Variants in TESK2 observed in about 807,000 individuals in gnomAD.
The protein encoded by TESK2 is dual specificity testis-specific protein kinase 2.
TESK2 carries 39 observed loss-of-function variants against 57.1 expected under a neutral mutation model. The ratio of observed to expected loss-of-function variants is 0.68; its 90% CI spans 0.53 to 0.89. The LOEUF is 0.89. TESK2 is among the 40% of genes least tolerant of loss of function. The pLI is 0.00. For synonymous variants in TESK2, 249 were observed against 267.9 expected, an observed-to-expected ratio of 0.93 and a Z score of 0.69; for missense variants, 646 against 732.1, an observed-to-expected ratio of 0.88 and a Z score of 1.36.
At chr1:45,346,551 G>A (rs145180792) in intron 9 of TESK2, 142 bp downstream of exon 9, 14 of 672,390 alleles carry the variant, frequency 2.1e-5, no homozygotes, top group African/African-American at 1.8e-4. Context: ...GCCAGAGGGA[G>A]GAGGAGGAGG....
At chr1:45,466,478 A>T (rs964262993) in intron 1 of TESK2, among the ~76,000 whole-genome samples, 1 of 151,314 alleles carries the variant, frequency 6.6e-6, no homozygotes, top group Non-Finnish European at 1.5e-5. Context: ...CGTCTCAAAA[A>T]AAACAAAAAC....
chr1:45,347,770 C>T (rs1050685988), intron 6 of TESK2, 77 bp from the exon 7 acceptor site: 2 of 1,519,478 alleles, frequency 1.3e-6, no homozygotes, highest in Admixed American at 1.7e-5. Context: ...TCCTCCACCT[C>T]AAGGATGGGT....
intron 5 of TESK2, among the ~76,000 whole-genome samples, chr1:45,352,894 TTTTTTTTTTTC>T (rs942009804): frequency 1.4e-4 from 20 of 146,978 alleles, no homozygotes; most frequent in African/African-American, 3.5e-4. Context: ...TGCAATTTTC[TTTTTTTTTTTC>T]TTTTTTTTTT....
chr1:45,435,033 A>T (rs1210788169), intron 2 of TESK2, among the ~76,000 whole-genome samples: 1 of 149,828 alleles, frequency 6.7e-6, no homozygotes, highest in Non-Finnish European at 1.5e-5. Context: ...GCTTGATCAT[A>T]ATTCACTGCA....
intron 4 of TESK2, among the ~76,000 whole-genome samples, chr1:45,364,323 T>C (rs999058873): frequency 1.3e-5 from 2 of 151,558 alleles, no homozygotes; most frequent in Admixed American, 1.3e-4. Flanking sequence ...ATAAAAAGAG[T>C]GGCAAGAGAT....
At chr1:45,346,100 G>A (rs1457060398) in intron 9 of TESK2, 106 bp from the exon 10 acceptor site, 1 of 881,936 alleles carries the variant, frequency 1.1e-6, no homozygotes, top group Admixed American at 1.9e-5. Context: ...GTGCAGCTGA[G>A]AGACCTTTTC....
At chr1:45,449,217 G>C (rs1412068200) in intron 2 of TESK2, among the ~76,000 whole-genome samples, 2 of 138,006 alleles carry the variant, frequency 1.4e-5, no homozygotes, top group East Asian at 4.2e-4. Context: ...GCGAGACTCT[G>C]TCTCAAAAAA....
intron 1 of TESK2, among the ~76,000 whole-genome samples, chr1:45,485,915 C>T (rs553203347): frequency 7.9e-5 from 12 of 151,748 alleles, no homozygotes; most frequent in African/African-American, 2.4e-4. Context: ...AAAACTAAAG[C>T]TCACAAAAGA....
rs190038187 is a variant in TESK2, at chr1:45,483,415, G to A, written c.-87+7437C>T. ...GTTCAAGACCAGCCTGGCCAACATGGTGAAACCCTGTCTCTACTAAAAATA... is the reference window on the plus strand; with the variant it reads ...GTTCAAGACCAGCCTGGCCAACATGATGAAACCCTGTCTCTACTAAAAATA... On this transcript the variant is annotated intron_variant, in intron 1 of 10. Coordinates refer to ENST00000372086, the MANE Select transcript of TESK2 (RefSeq NM_007170.3). Among the ~76,000 whole-genome samples, 84 of 152,146 alleles carry A rather than the reference G, an allele frequency of 5.5e-4. No individual in the cohort carries two copies. The East Asian group carries it at 0.013, about 24-fold the overall frequency.
At chr1:45,367,068 A>C (rs1647950836) in intron 4 of TESK2, among the ~76,000 whole-genome samples, 1 of 152,170 alleles carries the variant, frequency 6.6e-6, no homozygotes, top group South Asian at 2.1e-4. Context: ...GAGGAGGCAG[A>C]GGCTGCAGTG....
chr1:45,444,877 AC>A (rs915662170), intron 2 of TESK2, among the ~76,000 whole-genome samples: 6 of 152,188 alleles, frequency 3.9e-5, no homozygotes, highest in African/African-American at 1.2e-4. Flanking sequence ...CAGGAAACTA[AC>A]CCCCTGCTTG....
At chr1:45,396,802 G>A (rs1204562551) in intron 3 of TESK2, among the ~76,000 whole-genome samples, 4 of 116,868 alleles carry the variant, frequency 3.4e-5, no homozygotes, top group South Asian at 2.8e-4. Context: ...TATCAGCTAA[G>A]TTGTTTTTTT....
intron 1 of TESK2, among the ~76,000 whole-genome samples, chr1:45,477,021 T>A (rs1653024378): frequency 7.1e-6 from 1 of 141,264 alleles, no homozygotes; most frequent in South Asian, 2.2e-4. Flanking sequence ...AGATTGGTCT[T>A]GAATTCCTGG....
intron 2 of TESK2, among the ~76,000 whole-genome samples, chr1:45,434,457 AT>A (rs33951621): frequency 0.38 from 55,179 of 143,836 alleles, 12,573 homozygotes; most frequent in East Asian, 0.52. Context: ...ACATCCAGCT[AT>A]TTTTTTTTTT....
intron 2 of TESK2, among the ~76,000 whole-genome samples, chr1:45,455,746 A>C (rs1652063411): frequency 6.6e-6 from 1 of 152,164 alleles, no homozygotes; most frequent in South Asian, 2.1e-4. Context: ...AAGATGGTAA[A>C]TTTATGTTAT....
intron 1 of TESK2, among the ~76,000 whole-genome samples, chr1:45,464,393 C>T (rs1652453868): frequency 1.3e-5 from 2 of 149,486 alleles, no homozygotes; most frequent in Admixed American, 6.7e-5. Context: ...CACTGCACTC[C>T]AGCCTTGGCG....
chr1:45,370,958 G>T (rs1471453257), intron 4 of TESK2, among the ~76,000 whole-genome samples: 12 of 152,010 alleles, frequency 7.9e-5, no homozygotes, highest in African/African-American at 2.7e-4. Context: ...CCAATGTAAT[G>T]GAATAGAGAG....
intron 2 of TESK2, among the ~76,000 whole-genome samples, chr1:45,457,147 A>G (rs1652140348): frequency 6.6e-6 from 1 of 152,160 alleles, no homozygotes; most frequent in Non-Finnish European, 1.5e-5. Flanking sequence ...ATAAGCAAAC[A>G]AAAACTATAT....
At chr1:45,481,127 A>C (rs1050105452) in intron 1 of TESK2, among the ~76,000 whole-genome samples, 1 of 152,126 alleles carries the variant, frequency 6.6e-6, no homozygotes, top group Non-Finnish European at 1.5e-5. Context: ...GCACTTTGGG[A>C]GGCCGAGGTG....
Sources: allele counts gnomAD v4.1 joint callset (sites outside exome capture counted in the v4.1 genomes callset), GRCh38; gene constraint gnomAD v4.1.1; transcripts MANE v1.5; gene names NCBI Gene and HGNC (gene_info 2026-07-23, HGNC 2026-07-21).